Variants in TAFA4 observed in about 807,000 individuals in gnomAD.
TAFA4 encodes the protein TAFA chemokine like family member 4, also known as chemokine-like protein TAFA-4.
A neutral mutation model predicts 21.1 loss-of-function variants in TAFA4; 20 were observed. The observed-to-expected ratio is 0.95, with a 90% CI of 0.67 to 1.38. The LOEUF is 1.38. Ranked by LOEUF, TAFA4 falls within the 40% of genes most tolerant of loss-of-function variation. The pLI is 0.00. For synonymous variants in TAFA4, 71 were observed against 67.4 expected (o/e 1.05, Z -0.26); for missense variants, 211 against 180.9 (o/e 1.17, Z -0.95).
chr3:68,753,048 C>T, intron 3 of TAFA4, 30 bp from the exon 4 acceptor site: 1 of 1,601,288 alleles, frequency 6.2e-7, no homozygotes, highest in Non-Finnish European at 8.5e-7. Flanking sequence ...AAAAACAAAC[C>T]CAGTGCTGTT....
intron 3 of TAFA4, among the ~76,000 whole-genome samples, chr3:68,826,866 T>A (rs1018111739): frequency 6.6e-6 from 1 of 152,096 alleles, no homozygotes; most frequent in South Asian, 2.1e-4. Flanking sequence ...TAACAGGTCT[T>A]GTATAATTTC....
At chr3:68,785,545 G>C (rs181026745) in intron 3 of TAFA4, among the ~76,000 whole-genome samples, 4 of 152,206 alleles carry the variant, frequency 2.6e-5, no homozygotes, top group Non-Finnish European at 5.9e-5. Context: ...GCCCAGGGCC[G>C]GCCGGCCGCT....
intron 3 of TAFA4, among the ~76,000 whole-genome samples, chr3:68,850,944 T>C (rs1459534925): frequency 6.6e-6 from 1 of 152,204 alleles, no homozygotes; most frequent in African/African-American, 2.4e-5. Context: ...AATTTTGTCA[T>C]GAAATCTTTG....
intron 3 of TAFA4, among the ~76,000 whole-genome samples, chr3:68,821,338 T>TAAGAGAAAACAAGTCC (rs1559532886): frequency 1.7e-4 from 1 of 5,772 alleles, no homozygotes; most frequent in African/African-American, 9.7e-4. Context: ...TTTTTTTTTT[T>TAAGAGAAAACAAGTCC]TTTTTTTTTT....
intron 3 of TAFA4, among the ~76,000 whole-genome samples, chr3:68,756,731 T>C (rs572279547): frequency 6.6e-6 from 1 of 152,330 alleles, no homozygotes; most frequent in Non-Finnish European, 1.5e-5. Flanking sequence ...TTCAATCTAC[T>C]ACTTAAGAAA....
Position 68,885,179 on chromosome 3 carries a change from G to A in TAFA4, c.10C>T (p.Pro4Ser), listed in dbSNP as rs2089658248. The A allele has an allele frequency of 1.2e-6, 2 of 1,612,530 alleles. No individual in the cohort carries two copies. Among genetic ancestry groups the A allele is most frequent in the African/African-American group, 2.7e-5 (2 of 74,874 alleles). Residue 4 changes from proline to serine, a missense_variant, in exon 2 of 6, where the codon CCA (proline) becomes TCA (serine). Physicochemically the swap from Pro to Ser is moderately conservative, Grantham distance 74. Transcript: ENST00000295569. MRS[P>S]RMRVCAKSVL... ...TGAACGTTAAAATAATCTTACCTTG[G>A]GGACCTCATAAGATGTGGTTCTAGT...
chr3:68,869,732 G>A (rs775373629), intron 3 of TAFA4, among the ~76,000 whole-genome samples: 25 of 151,796 alleles, frequency 1.6e-4, no homozygotes, highest in South Asian at 2.1e-4. Flanking sequence ...ATGGCCATAC[G>A]TAACAAACCC....
intron 3 of TAFA4, among the ~76,000 whole-genome samples, chr3:68,780,608 C>T (rs1703136938): frequency 6.6e-6 from 1 of 152,224 alleles, no homozygotes; most frequent in South Asian, 2.1e-4. Context: ...GGGACTTACT[C>T]ATCCTTGCCT....
At chr3:68,862,820 A>T (rs2089363817) in intron 3 of TAFA4, among the ~76,000 whole-genome samples, 1 of 151,276 alleles carries the variant, frequency 6.6e-6, no homozygotes, top group Non-Finnish European at 1.5e-5. Context: ...TTGTTACATC[A>T]TGGCCTCATT....
Position 68,885,236 on chromosome 3 carries a change from G to A in TAFA4, c.-48C>T, listed in dbSNP as rs747284652. ...CACTTATTCCAGGATATATTTCAGA[G>A]TGACTCCAAATTCCCATCTGTTGCT... On this transcript the variant is annotated 5_prime_UTR_variant, in exon 2 of 6. Coordinates refer to ENST00000295569, the MANE Select transcript of TAFA4 (RefSeq NM_182522.5). 3.1e-6 allele frequency: 5 copies of A among 1,588,050 alleles called. No individual in the cohort carries two copies. In the East Asian group the frequency reaches 6.7e-5, roughly 21 times the overall value.
chr3:68,883,970 G>C (rs1442739846), intron 2 of TAFA4, among the ~76,000 whole-genome samples: 1 of 131,016 alleles, frequency 7.6e-6, no homozygotes, highest in East Asian at 3.2e-4. Flanking sequence ...CAGGGAGGCA[G>C]GGAGGGAAAG....
intron 3 of TAFA4, among the ~76,000 whole-genome samples, chr3:68,836,132 C>T (rs1414750657): frequency 6.6e-6 from 1 of 152,172 alleles, no homozygotes; most frequent in East Asian, 1.9e-4. Context: ...ACCCAATCTC[C>T]CGCTTCGGGC....
intron 3 of TAFA4, among the ~76,000 whole-genome samples, chr3:68,825,345 T>TGTACTAC (rs1414784016): frequency 5.3e-5 from 8 of 152,240 alleles, no homozygotes; most frequent in East Asian, 1.9e-4. Flanking sequence ...ATAATGTATA[T>TGTACTAC]GTACTACATT....
intron 3 of TAFA4, among the ~76,000 whole-genome samples, chr3:68,828,867 A>C (rs1704314078): frequency 6.6e-6 from 1 of 152,022 alleles, no homozygotes; most frequent in Non-Finnish European, 1.5e-5. Flanking sequence ...AATATGCTTT[A>C]TTTCTTTCTC....
At chr3:68,816,558 T>C (rs372692763) in intron 3 of TAFA4, among the ~76,000 whole-genome samples, 12 of 152,356 alleles carry the variant, frequency 7.9e-5, no homozygotes, top group East Asian at 5.8e-4. Flanking sequence ...ATTTTGATTA[T>C]GCAACTTTAC....
Position 68,817,718 on chromosome 3 carries a change from C to A in TAFA4, c.130+63012G>T, listed in dbSNP as rs1704020035. ...CATCTCCATCAGGCCTGTTGGGTGA[C>A]CAGGGGCATTGTCAATGAGCAGTAA... On this transcript the variant is annotated intron_variant, in intron 3 of 5. Transcript: ENST00000295569. Among the ~76,000 whole-genome samples, 2 of 152,044 alleles carry A rather than the reference C, an allele frequency of 1.3e-5. 1 individual carries two copies. The highest frequency in any genetic ancestry group is 6.3e-3 in the Middle Eastern group (2 of 316).
chr3:68,887,820 A>G (rs2089688402), intron 1 of TAFA4, among the ~76,000 whole-genome samples: 1 of 152,110 alleles, frequency 6.6e-6, no homozygotes. Flanking sequence ...CTTTCCTGAA[A>G]GATCTCTGAA....
chr3:68,891,124 C>T (rs1157264813), intron 1 of TAFA4, among the ~76,000 whole-genome samples: 1 of 152,130 alleles, frequency 6.6e-6, no homozygotes, highest in South Asian at 2.1e-4. Flanking sequence ...CTCTCTAAAA[C>T]GTTTCAGTGA....
At chr3:68,928,799 A>G (rs914165101) in intron 1 of TAFA4, among the ~76,000 whole-genome samples, 2 of 152,102 alleles carry the variant, frequency 1.3e-5, no homozygotes, top group Non-Finnish European at 2.9e-5. Context: ...TCTTCATTGG[A>G]AAGTGCACTG....
Sources: allele counts gnomAD v4.1 joint callset (sites outside exome capture counted in the v4.1 genomes callset), GRCh38; gene constraint gnomAD v4.1.1; transcripts MANE v1.5; gene names NCBI Gene and HGNC (gene_info 2026-07-23, HGNC 2026-07-21).